GOSR2: variants seen among roughly 807,000 people sequenced by gnomAD.
GOSR2 encodes 27 kDa Golgi SNARE protein.
GOSR2 carries 20 observed loss-of-function variants against 27.9 expected under a neutral mutation model. That is an observed-to-expected ratio of 0.72 (90% CI 0.50 to 1.04). The LOEUF is 1.04. Among genes scored for constraint, GOSR2 ranks in the 50% least tolerant of loss-of-function variants. The pLI is 0.00. For missense variants in GOSR2, 261 were observed against 270.5 expected (o/e 0.97, Z 0.25); for synonymous variants, 91 against 98.8 (o/e 0.92, Z 0.47).
chr17:46,936,042 T>C, intron 5 of GOSR2: 4 of 985,810 alleles, frequency 4.1e-6, no homozygotes, highest in Non-Finnish European at 4.8e-6. Flanking sequence ...TTCTGAACAG[T>C]CCCTGCCATC....
chr17:46,924,112 C>T (rs928057723), intron 1 of GOSR2: 22 of 356,194 alleles, frequency 6.2e-5, no homozygotes, highest in Non-Finnish European at 1.0e-4. Context: ...GCCTGTTAAT[C>T]AGTAGCACTT....
chr17:46,928,311 C>G (rs1412683528), intron 1 of GOSR2, among the ~76,000 whole-genome samples: 2 of 152,166 alleles, frequency 1.3e-5, no homozygotes, highest in African/African-American at 4.8e-5. Context: ...AGTTGGGTGC[C>G]TGGCTGGCAT....
downstream of GOSR2, among the ~76,000 whole-genome samples, chr17:46,942,992 C>T (rs1477920468): frequency 2.6e-5 from 4 of 152,180 alleles, no homozygotes; most frequent in South Asian, 2.1e-4. Flanking sequence ...GGAATTCCCT[C>T]GGGAGCTTTA....
Position 46,939,689 on chromosome 17 carries a change from C to T in GOSR2, c.*929C>T. 1 of 985,436 alleles carries T rather than the reference C, an allele frequency of 1.0e-6. No homozygotes were observed. The highest frequency in any genetic ancestry group is 1.2e-6 in the Non-Finnish European group (1 of 829,896). The allele number at this position is 985,436 out of a possible 1,614,324, so 61.0% of individuals were successfully genotyped here. A position where few individuals can be genotyped will look rare whatever the true frequency, so the allele number is the denominator to read the frequency against. On this transcript the variant is annotated 3_prime_UTR_variant, in exon 6 of 6. Transcript: ENST00000640051. ...ACCTGCCAGCCAGGCCCTCATTTTG[C>T]CCAGCCAGTGTGGGCAGATCCCACC...
intron 1 of GOSR2, among the ~76,000 whole-genome samples, chr17:46,926,083 A>G (rs981540091): frequency 1.3e-5 from 2 of 152,206 alleles, no homozygotes; most frequent in African/African-American, 4.8e-5. Flanking sequence ...GGTTTTGATG[A>G]GCAGGTAGGC....
chr17:46,934,275 G>A (rs1275522906), intron 4 of GOSR2, among the ~76,000 whole-genome samples: 1 of 152,078 alleles, frequency 6.6e-6, no homozygotes, highest in East Asian at 1.9e-4. Flanking sequence ...GAGGCCTGTG[G>A]ACAGATTCCT....
chr17:46,975,745 C>CA (rs2091441026), downstream of GOSR2, among the ~76,000 whole-genome samples: 1 of 152,194 alleles, frequency 6.6e-6, no homozygotes, highest in African/African-American at 2.4e-5. Context: ...GACCCAAACA[C>CA]ACGTTAGTAC....
Position 46,940,844 on chromosome 17 carries a change from T to C in GOSR2, c.*2084T>C. 1 of 1,451,812 alleles carries C rather than the reference T, an allele frequency of 6.9e-7. No individual in the cohort carries two copies. Among genetic ancestry groups the C allele is most frequent in the South Asian group, 1.4e-5 (1 of 70,520 alleles). 89.9% of individuals were successfully genotyped at this position (1,451,812 alleles called of 1,614,324 possible). On this transcript the variant is annotated 3_prime_UTR_variant, in exon 6 of 6. Transcript: ENST00000640051. ...GCTGGTGGACAGCAGCCAGTGTGTCTGGACACCCAGGGGCATTGAGACTGC... is the reference window on the plus strand; with the variant it reads ...GCTGGTGGACAGCAGCCAGTGTGTCCGGACACCCAGGGGCATTGAGACTGC...
Position 46,940,122 on chromosome 17 carries a change from C to A in GOSR2, c.*1362C>A. 1 of 1,229,754 alleles carries A rather than the reference C, an allele frequency of 8.1e-7. No homozygotes were observed. The highest frequency in any genetic ancestry group is 1.0e-6 in the Non-Finnish European group (1 of 978,910). 76.2% of individuals were successfully genotyped at this position (1,229,754 alleles called of 1,614,324 possible). A position where few individuals can be genotyped will look rare whatever the true frequency, so the allele number is the denominator to read the frequency against. ...CCTTTCTGTGTTCCTCTTCACCTCT[C>A]TTGTTCCCCTCCCCGCTGCTCTGTA... On this transcript the variant is annotated 3_prime_UTR_variant, in exon 6 of 6. Transcript: ENST00000640051.
At chr17:46,961,809 A>G (rs996878942) in intron 6 of GOSR2, among the ~76,000 whole-genome samples, 3 of 152,134 alleles carry the variant, frequency 2.0e-5, no homozygotes, top group Non-Finnish European at 4.4e-5. Flanking sequence ...CAAAATGTAC[A>G]CCCTTTATCT....
intron 5 of GOSR2, chr17:46,937,965 T>A (rs2088677594): frequency 6.4e-6 from 1 of 157,306 alleles, no homozygotes; most frequent in African/African-American, 2.4e-5. Context: ...ACTCCTGGGC[T>A]CAAGTGGTTC....
intron 6 of GOSR2, chr17:46,955,457 G>A (rs1312586537): frequency 6.6e-6 from 1 of 152,108 alleles, no homozygotes; most frequent in Non-Finnish European, 1.5e-5. Context: ...TGTTCATCAA[G>A]GATATTGGTC....
Position 46,940,558 on chromosome 17 carries a change from C to T in GOSR2, c.*1798C>T, listed in dbSNP as rs1354465457. 9 of 1,614,058 alleles carry T rather than the reference C, an allele frequency of 5.6e-6. No individual in the cohort carries two copies. Among genetic ancestry groups the T allele is most frequent in the Admixed American group, 5.0e-5 (3 of 60,010 alleles). On this transcript the variant is annotated 3_prime_UTR_variant, in exon 6 of 6. Transcript: ENST00000640051. ...GCAAGGCTGTCCTGTCCCCCAGGCA[C>T]CCAAGGATCCTGCCAGACAGCACAC...
chr17:46,933,799 CA>C (rs1264499088), intron 4 of GOSR2, among the ~76,000 whole-genome samples: 1 of 151,390 alleles, frequency 6.6e-6, no homozygotes, highest in Admixed American at 6.6e-5. Flanking sequence ...ATTGTCTCTA[CA>C]AAAAAATATA....
downstream of GOSR2, among the ~76,000 whole-genome samples, chr17:46,969,954 G>A (rs1345599122): frequency 6.6e-6 from 1 of 152,104 alleles, no homozygotes; most frequent in African/African-American, 2.4e-5. Context: ...CGGGGTGGGG[G>A]AACAAAAAAC....
At position 46,960,895 on chromosome 17, in the gene GOSR2, A is replaced by G. The variant is rs543881308; in HGVS notation, c.584-5639A>G. Among the ~76,000 whole-genome samples, 7 of 152,354 alleles carry G rather than the reference A, an allele frequency of 4.6e-5. No individual in the cohort carries two copies. In the South Asian group the frequency reaches 1.2e-3, roughly 27 times the overall value. ...CTACAAAGTGGCAGCATGAAGGAGT[A>G]TCTCGATTGTGTTCATGATGACACA... On this transcript the variant is annotated intron_variant, in intron 6 of 6. Coordinates refer to the GOSR2 transcript ENST00000573224.
intron 1 of GOSR2, chr17:46,923,573 C>T: frequency 7.7e-7 from 1 of 1,306,686 alleles, no homozygotes; most frequent in Non-Finnish European, 9.7e-7. Flanking sequence ...CGAGAGGAGA[C>T]ACGGAGTAGG....
chr17:46,963,065 G>C (rs1243455276), intron 6 of GOSR2, among the ~76,000 whole-genome samples: 1 of 152,218 alleles, frequency 6.6e-6, no homozygotes, highest in Non-Finnish European at 1.5e-5. Context: ...GTCTTGATAA[G>C]GGACTTCACA....
intron 6 of GOSR2, among the ~76,000 whole-genome samples, chr17:46,963,073 A>C (rs909008986): frequency 6.6e-6 from 1 of 152,256 alleles, no homozygotes; most frequent in African/African-American, 2.4e-5. Flanking sequence ...AAGGGACTTC[A>C]CACTCTCAAC....
Sources: allele counts gnomAD v4.1 joint callset (sites outside exome capture counted in the v4.1 genomes callset), GRCh38; gene constraint gnomAD v4.1.1; transcripts MANE v1.5; gene names NCBI Gene and HGNC (gene_info 2026-07-23, HGNC 2026-07-21).